AGMO: variants seen among roughly 807,000 people sequenced by gnomAD.
The protein encoded by AGMO is alkylglycerol monooxygenase, also known as glyceryl-ether monooxygenase.
In AGMO, 75 loss-of-function variants were observed where a neutral mutation model predicts 60.2. The ratio of observed to expected loss-of-function variants is 1.25; its 90% confidence interval spans 1.03 to 1.51. AGMO has a LOEUF of 1.51. Among genes scored for constraint, AGMO ranks in the 40% most tolerant of loss-of-function variants. The pLI is 0.00. For synonymous variants in AGMO, 261 were observed against 177.1 expected (o/e 1.47, Z -3.76); for missense variants, 763 against 525.5 (o/e 1.45, Z -4.42).
chr7:15,392,616 T>A (rs1468555676), intron 6 of AGMO, among the ~76,000 whole-genome samples: 2 of 152,040 alleles, frequency 1.3e-5, no homozygotes, highest in Non-Finnish European at 2.9e-5. Context: ...CTGACCAACA[T>A]GGTGAAACTC....
chr7:15,146,321 T>C, the AGMO span, among the ~76,000 whole-genome samples: 2 of 152,226 alleles, frequency 1.3e-5, no homozygotes, highest in African/African-American at 2.4e-5. Flanking sequence ...ACATAATTTA[T>C]ATATGAAACA....
chr7:15,154,606 A>G, the AGMO span, among the ~76,000 whole-genome samples: 1 of 152,168 alleles, frequency 6.6e-6, no homozygotes, highest in South Asian at 2.1e-4. Flanking sequence ...TATACATTCA[A>G]GGTTAATCTT....
intron 12 of AGMO, among the ~76,000 whole-genome samples, chr7:15,316,326 T>C (rs1251275299): frequency 1.3e-5 from 2 of 152,132 alleles, no homozygotes; most frequent in African/African-American, 4.8e-5. Context: ...GGCAATTGGC[T>C]TACATGCACC....
chr7:15,290,301 A>G (rs1192149007), intron 12 of AGMO, among the ~76,000 whole-genome samples: 3 of 152,152 alleles, frequency 2.0e-5, no homozygotes, highest in Non-Finnish European at 4.4e-5. Flanking sequence ...TGTTGGGATT[A>G]CAGGTGTGAG....
At chr7:15,292,975 C>T (rs1376935627) in intron 12 of AGMO, among the ~76,000 whole-genome samples, 1 of 151,838 alleles carries the variant, frequency 6.6e-6, no homozygotes, top group African/African-American at 2.4e-5. Context: ...GTTAGCCAAG[C>T]TGGTCTCGAA....
chr7:15,247,455 C>CAGAGAGAG (rs1201390163), intron 12 of AGMO, among the ~76,000 whole-genome samples: 2,117 of 119,778 alleles, frequency 0.018, 13 homozygotes, highest in Non-Finnish European at 0.02. Context: ...CACACACACA[C>CAGAGAGAG]ACACAGAGAG....
intron 12 of AGMO, among the ~76,000 whole-genome samples, chr7:15,321,623 T>C (rs1462164717): frequency 6.6e-6 from 1 of 152,068 alleles, no homozygotes; most frequent in African/African-American, 2.4e-5. Flanking sequence ...AATTTAATAG[T>C]GCAAGATTTA....
the AGMO span, among the ~76,000 whole-genome samples, chr7:15,125,165 A>T: frequency 2.6e-5 from 4 of 152,128 alleles, no homozygotes; most frequent in Non-Finnish European, 5.9e-5. Flanking sequence ...TTTATAACCC[A>T]TGCAAACAGT....
intron 4 of AGMO, among the ~76,000 whole-genome samples, chr7:15,422,451 A>G (rs111267548): frequency 1.2e-3 from 185 of 152,280 alleles, no homozygotes; most frequent in African/African-American, 4.2e-3. Context: ...AAGAGAGGTG[A>G]ACATTTTCTA....
At chr7:15,181,412 T>G in the AGMO span, among the ~76,000 whole-genome samples, 1,148 of 152,286 alleles carry the variant, frequency 7.5e-3, 14 homozygotes, top group African/African-American at 0.025. Flanking sequence ...TCTACTCTCA[T>G]TCTTCACTGG....
At chr7:15,319,283 G>C (rs546241763) in intron 12 of AGMO, among the ~76,000 whole-genome samples, 1 of 152,258 alleles carries the variant, frequency 6.6e-6, no homozygotes, top group Admixed American at 6.5e-5. Flanking sequence ...TAGGAAATGG[G>C]AAAGGACAAA....
At chr7:15,239,842 A>G (rs1381925120) in intron 12 of AGMO, among the ~76,000 whole-genome samples, 2 of 152,136 alleles carry the variant, frequency 1.3e-5, no homozygotes, top group Admixed American at 6.5e-5. Context: ...CTGTTTAATG[A>G]GCCTCACCGG....
chr7:15,247,904 G>A (rs1782796236), intron 12 of AGMO, among the ~76,000 whole-genome samples: 1 of 151,666 alleles, frequency 6.6e-6, no homozygotes. Flanking sequence ...AGTGCATAAA[G>A]TACACAGAGG....
chr7:15,353,205 G>A (rs1782324201), intron 12 of AGMO, among the ~76,000 whole-genome samples: 1 of 152,098 alleles, frequency 6.6e-6, no homozygotes, highest in Non-Finnish European at 1.5e-5. Flanking sequence ...AATTCACCAC[G>A]CTGACGTTGG....
At chr7:15,290,015 TGGTCCACC>T (rs1554407167) in intron 12 of AGMO, among the ~76,000 whole-genome samples, 1 of 128,220 alleles carries the variant, frequency 7.8e-6, no homozygotes, top group Non-Finnish European at 1.6e-5. Context: ...GTGCAGTCTT[TGGTCCACC>T]TTAAGTTGAT....
At chr7:15,462,140 A>G (rs1395229722) in intron 3 of AGMO, among the ~76,000 whole-genome samples, 1 of 152,126 alleles carries the variant, frequency 6.6e-6, no homozygotes, top group Non-Finnish European at 1.5e-5. Context: ...CTACATAAAC[A>G]TAGAATTCTA....
chr7:15,394,008 G>C (rs1413933880), intron 6 of AGMO, 105 bp downstream of exon 6: 7 of 634,006 alleles, frequency 1.1e-5, no homozygotes, highest in Non-Finnish European at 1.8e-5. Context: ...TTTGTAAAAT[G>C]TGTGCTGACT....
intron 12 of AGMO, among the ~76,000 whole-genome samples, chr7:15,328,607 C>T (rs1299426884): frequency 6.6e-6 from 1 of 152,108 alleles, no homozygotes; most frequent in African/African-American, 2.4e-5. Context: ...TGCCTCATGC[C>T]CGGAAGCAGC....
chr7:15,136,774 C>T, the AGMO span, among the ~76,000 whole-genome samples: 1 of 151,576 alleles, frequency 6.6e-6, no homozygotes, highest in African/African-American at 2.4e-5. Context: ...TGCACGCGTG[C>T]GTATTTAAGA....
Sources: gnomAD v4.1 joint callset for allele counts (sites outside exome capture counted in the v4.1 genomes callset) on GRCh38, gnomAD v4.1.1 for gene constraint, MANE v1.5 for transcripts, NCBI Gene and HGNC (gene_info 2026-07-23, HGNC 2026-07-21) for gene names.